The following TTC9 variants were observed in gnomAD, a reference collection of about 807,000 sequenced individuals.
TTC9 encodes tetratricopeptide repeat domain 9, also known as tetratricopeptide repeat protein 9A.
In TTC9, 13 loss-of-function variants were observed where a neutral mutation model predicts 22.9. The observed-to-expected ratio is 0.57, with a 90% CI of 0.37 to 0.90. The LOEUF (loss-of-function observed/expected upper bound fraction) is 0.90, where lower values mean the gene tolerates loss of function less well. Ranked by LOEUF, TTC9 falls within the 40% of genes least tolerant of loss-of-function variation. The pLI, the probability that TTC9 is intolerant of heterozygous loss-of-function variation, is 0.01. For missense variants in TTC9, 280 were observed against 291.8 expected, an observed-to-expected ratio of 0.96 and a Z score of 0.29; for synonymous variants, 148 against 133.2, an observed-to-expected ratio of 1.11 and a Z score of -0.77.
Position 70,647,919 on chromosome 14 carries a change from T to C in TTC9, c.406+5384T>C, listed in dbSNP as rs564939031. 4.6e-5 allele frequency among the ~76,000 whole-genome samples: 7 copies of C among 152,298 alleles called. No homozygotes were observed. In the South Asian group the frequency reaches 1.5e-3, roughly 32 times the overall value. On this transcript the variant is annotated intron_variant, in intron 1 of 2. Coordinates refer to ENST00000256367, the MANE Select transcript of TTC9 (RefSeq NM_015351.2). ...GGACACCAGAAGATGGCTGGATGGA[T>C]ACATCTGAGGTGGACAAAATTGGAT...
chr14:70,663,147 G>T (rs1886167619), intron 1 of TTC9, among the ~76,000 whole-genome samples: 1 of 152,146 alleles, frequency 6.6e-6, no homozygotes, highest in African/African-American at 2.4e-5. Context: ...TCTGTGTCAT[G>T]GTTTCTTTCT....
At chr14:70,659,132 G>GCGCGCGCGCACACACA (rs762892061) in intron 1 of TTC9, among the ~76,000 whole-genome samples, 3 of 144,226 alleles carry the variant, frequency 2.1e-5, no homozygotes, top group Non-Finnish European at 4.6e-5. Context: ...ACACACACAC[G>GCGCGCGCGCACACACA]CACACACACA....
At chr14:70,648,265 G>T (rs1400016711) in intron 1 of TTC9, among the ~76,000 whole-genome samples, 1 of 152,208 alleles carries the variant, frequency 6.6e-6, no homozygotes, top group Non-Finnish European at 1.5e-5. Context: ...AGTAAATGGG[G>T]CTTGTAATAC....
At chr14:70,644,008 G>A (rs1885867618) in intron 1 of TTC9, among the ~76,000 whole-genome samples, 1 of 152,212 alleles carries the variant, frequency 6.6e-6, no homozygotes, top group Non-Finnish European at 1.5e-5. Flanking sequence ...TTTAGTTCCT[G>A]TAAGTCTTTG....
rs755806950 is a variant in TTC9, at chr14:70,667,649, C to G, written c.492C>G (p.Phe164Leu). The G allele has an allele frequency of 2.5e-6, 4 of 1,614,016 alleles. No individual in the cohort carries two copies. The South Asian group carries it at 4.4e-5, about 18-fold the overall frequency. ...TCTTGAAGAAGGAAGGGGAGAACTTCAAGGCCCTTTACCGGTCTGGTGTGG... is the reference window on the plus strand; with the variant it reads ...TCTTGAAGAAGGAAGGGGAGAACTTGAAGGCCCTTTACCGGTCTGGTGTGG... Reference protein sequence around the residue: ...LKVLKKEGENFKALYRSGVAF... With the variant: ...LKVLKKEGENLKALYRSGVAF... Residue 164 changes from phenylalanine (F) to leucine (L), a missense_variant, in exon 2 of 3, where the codon TTC becomes TTG. Coordinates refer to ENST00000256367, the MANE Select transcript of TTC9 (RefSeq NM_015351.2).
In TTC9 at chr14:70,674,243, G is replaced by C. The variant is rs573792288; in HGVS notation, c.*3088G>C. The C allele has an allele frequency of 6.6e-6, 1 of 152,098 alleles. No individual in the cohort carries two copies. Among genetic ancestry groups the C allele is most frequent in the African/African-American group, 2.4e-5 (1 of 41,398 alleles). The allele number at this position is 152,098 out of a possible 1,614,324, so 9.4% of individuals were successfully genotyped here. A position where few individuals can be genotyped will look rare whatever the true frequency, so the allele number is the denominator to read the frequency against. On this transcript the variant is annotated 3_prime_UTR_variant, in exon 3 of 3. Coordinates refer to ENST00000256367, the MANE Select transcript of TTC9 (RefSeq NM_015351.2). ...TGTCATCCCCTGCCTGGACTTTTGC[G>C]ATGGACTCTTTGGGGGAAAAACTAA...
intron 1 of TTC9, among the ~76,000 whole-genome samples, chr14:70,656,246 C>CACACACAT (rs373121504): frequency 0.027 from 3,851 of 140,136 alleles, 211 homozygotes; most frequent in African/African-American, 0.096. Flanking sequence ...CACACACACA[C>CACACACAT]ATTTATTTTT....
At position 70,674,122 on chromosome 14, in the gene TTC9, C is replaced by T. The variant is rs1886335079; in HGVS notation, c.*2967C>T. On this transcript the variant is annotated 3_prime_UTR_variant, in exon 3 of 3. Coordinates refer to ENST00000256367, the MANE Select transcript of TTC9 (RefSeq NM_015351.2). ...AATCTTCAGCTTCCTTCTCCTCATC[C>T]CTCCCCAAAACAAGAACTGTGATTT... 1 of 152,218 alleles carries T rather than the reference C, an allele frequency of 6.6e-6. No homozygotes were observed. Among genetic ancestry groups the T allele is most frequent in the African/African-American group, 2.4e-5 (1 of 41,542 alleles). The allele number at this position is 152,218 out of a possible 1,614,324, so 9.4% of individuals were successfully genotyped here. A position where few individuals can be genotyped will look rare whatever the true frequency, so the allele number is the denominator to read the frequency against.
chr14:70,646,764 A>G (rs1885907174), intron 1 of TTC9, among the ~76,000 whole-genome samples: 1 of 152,160 alleles, frequency 6.6e-6, no homozygotes, highest in African/African-American at 2.4e-5. Context: ...CATTGATCCC[A>G]ATTGAAGCCT....
rs1402479604 is a variant in TTC9 at position 70,671,599 on chromosome 14, TTA to T, written c.*445_*446del. On this transcript the variant is annotated 3_prime_UTR_variant, in exon 3 of 3. Coordinates refer to ENST00000256367, the MANE Select transcript of TTC9 (RefSeq NM_015351.2). ...GAACCAGAGCATCTCGAGGCAACTGTTAGAAATCCAGGGACGAGACAAACAGA... is the reference window on the plus strand; with the variant it reads ...GAACCAGAGCATCTCGAGGCAACTGTGAAATCCAGGGACGAGACAAACAGA... 6.2e-6 allele frequency: 1 copy of T among 161,886 alleles called. No individual in the cohort carries two copies. Among genetic ancestry groups the T allele is most frequent in the African/African-American group, 2.4e-5 (1 of 41,638 alleles). The allele number at this position is 161,886 out of a possible 1,614,324, so 10.0% of individuals were successfully genotyped here. A position where few individuals can be genotyped will look rare whatever the true frequency, so the allele number is the denominator to read the frequency against.
chr14:70,669,449 T>C (rs1235201000), intron 2 of TTC9, among the ~76,000 whole-genome samples: 2 of 151,816 alleles, frequency 1.3e-5, no homozygotes, highest in Non-Finnish European at 2.9e-5. Flanking sequence ...CTGGCTAATG[T>C]TTTTTATTTT....
In TTC9 at chr14:70,652,905, G is replaced by A. The variant is rs981718342; in HGVS notation, c.406+10370G>A. Among the ~76,000 whole-genome samples, 36 of 152,338 alleles carry A rather than the reference G, an allele frequency of 2.4e-4. 3 individuals carry two copies. The highest frequency in any genetic ancestry group is 1.6e-3 in the Admixed American group (25 of 15,300). Reference sequence around the variant, plus strand: ...TGCCCATGAGGATGGAAGGAAGATAGAACACACAGGAAAAGATAGGAAGCA... The same window carrying A: ...TGCCCATGAGGATGGAAGGAAGATAAAACACACAGGAAAAGATAGGAAGCA... On this transcript the variant is annotated intron_variant, in intron 1 of 2. Coordinates refer to ENST00000256367, the MANE Select transcript of TTC9 (RefSeq NM_015351.2).
In TTC9 at chr14:70,641,955, C is replaced by A. The variant is rs2139634831; in HGVS notation, c.-175C>A. On this transcript the variant is annotated 5_prime_UTR_variant, in exon 1 of 3. Transcript: ENST00000256367. ...CGGCGGCGGCTGGAGCAGCCTCTGGCAGCAGCGGGGAGAATGGGAGTGCGG... is the reference window on the plus strand; with the variant it reads ...CGGCGGCGGCTGGAGCAGCCTCTGGAAGCAGCGGGGAGAATGGGAGTGCGG... 3.7e-6 allele frequency: 1 copy of A among 271,952 alleles called. No individual in the cohort carries two copies. The highest frequency in any genetic ancestry group is 5.7e-6 in the Non-Finnish European group (1 of 175,794). The allele number at this position is 271,952 out of a possible 1,614,324, so 16.8% of individuals were successfully genotyped here.
chr14:70,657,601 T>C (rs112474945), intron 1 of TTC9, among the ~76,000 whole-genome samples: 2 of 152,038 alleles, frequency 1.3e-5, no homozygotes, highest in African/African-American at 2.4e-5. Context: ...GCAGTAGAAA[T>C]AGCAGCAGCA....
At position 70,642,551 on chromosome 14, in the gene TTC9, C is replaced by A. The variant is rs1468585667; in HGVS notation, c.406+16C>A. On this transcript the variant is annotated intron_variant, in intron 1 of 2. Coordinates refer to ENST00000256367, the MANE Select transcript of TTC9 (RefSeq NM_015351.2). ...AGCCTGGCAGGTGAGCCGCGCCGCG[C>A]CCCCCGCGCCGCGGTCCCCGTTCTT... 2.6e-6 allele frequency: 4 copies of A among 1,526,114 alleles called. No individual in the cohort carries two copies. Among genetic ancestry groups the A allele is most frequent in the Non-Finnish European group, 3.5e-6 (4 of 1,138,764 alleles). The allele number at this position is 1,526,114 out of a possible 1,614,324, so 94.5% of individuals were successfully genotyped here.
At chr14:70,654,758 T>C (rs1886037160) in intron 1 of TTC9, among the ~76,000 whole-genome samples, 3 of 152,146 alleles carry the variant, frequency 2.0e-5, no homozygotes, top group South Asian at 2.1e-4. Context: ...CAAGCCCGAA[T>C]AGGCTCAGAG....
chr14:70,664,068 TAA>T (rs1211014164), intron 1 of TTC9, among the ~76,000 whole-genome samples: 4 of 151,978 alleles, frequency 2.6e-5, no homozygotes, highest in Admixed American at 2.0e-4. Context: ...ATGTGAGGAT[TAA>T]AAGACATAGT....
intron 1 of TTC9, among the ~76,000 whole-genome samples, chr14:70,652,527 A>G (rs1326167925): frequency 6.6e-6 from 1 of 152,230 alleles, no homozygotes; most frequent in African/African-American, 2.4e-5. Context: ...AGCATCAGAA[A>G]CCTGGCAATG....
In TTC9 at chr14:70,667,444, G is replaced by A. The variant is rs533208454; in HGVS notation, c.407-120G>A. 20 of 1,006,538 alleles carry A rather than the reference G, an allele frequency of 2.0e-5. No individual in the cohort carries two copies. In the East Asian group the frequency reaches 4.2e-4, roughly 21 times the overall value. 62.4% of individuals were successfully genotyped at this position (1,006,538 alleles called of 1,614,324 possible). On this transcript the variant is annotated intron_variant, in intron 1 of 2. Transcript: ENST00000256367. ...AGGATTATTGGAAGACAAATCCCAA[G>A]ATGTAAACCCCAGTGGAAAACCCCA...
Sources: allele counts gnomAD v4.1 joint callset (sites outside exome capture counted in the v4.1 genomes callset), GRCh38; gene constraint gnomAD v4.1.1; transcripts MANE v1.5; gene names NCBI Gene and HGNC (gene_info 2026-07-23, HGNC 2026-07-21).